The following SLC17A1 variants were observed in gnomAD, a reference collection of about 807,000 sequenced individuals.
The protein encoded by SLC17A1 is solute carrier family 17 member 1.
A neutral mutation model predicts 53.5 loss-of-function variants in SLC17A1; 51 were observed. That is an observed-to-expected ratio of 0.95 (90% CI 0.76 to 1.20). The LOEUF is 1.20. SLC17A1 is among the 50% of genes most tolerant of loss of function. The probability of loss-of-function intolerance (pLI) is 0.00; values close to 1 mark genes in which losing one functional copy is unlikely to be tolerated. For missense variants in SLC17A1, 538 were observed against 568.2 expected (o/e 0.95, Z 0.54); for synonymous variants, 179 against 198.8 (o/e 0.90, Z 0.84).
the SLC17A1 span, chr6:25,769,195 G>A: frequency 1.2e-6 from 2 of 1,611,396 alleles, no homozygotes; most frequent in Admixed American, 1.7e-5. Context: ...GCAATGGTAA[G>A]TTTAATGAGA....
chr6:25,732,904 A>C, the SLC17A1 span: 8 of 250,944 alleles, frequency 3.2e-5, no homozygotes, highest in East Asian at 3.0e-4. Flanking sequence ...ACAAAAACAA[A>C]AACCCCAAAG....
the SLC17A1 span, chr6:25,726,075 A>C: frequency 2.7e-6 from 4 of 1,455,284 alleles, no homozygotes; most frequent in African/African-American, 5.7e-5. Context: ...GGTGGCTCTG[A>C]AAAGAGCCTT....
Position 25,811,630 on chromosome 6 carries a change from TTGCTTACC to T in SLC17A1, c.1030_1030+7del. On this transcript the variant is annotated splice_donor_variant and splice_donor_5th_base_variant and coding_sequence_variant and intron_variant, in exon 9 of 13. Coordinates refer to ENST00000244527, the MANE Select transcript of SLC17A1 (RefSeq NM_005074.5). LOFTEE classifies it high-confidence loss of function. ...CCCAAGTGCTTAAATGTTCTGGCTGTTGCTTACCTGCTGCTGTGAAGAGTTTCCGGACA... is the reference window on the plus strand; with the variant it reads ...CCCAAGTGCTTAAATGTTCTGGCTGTTGCTGCTGTGAAGAGTTTCCGGACA... 1 of 1,613,932 alleles carries T rather than the reference TTGCTTACC, an allele frequency of 6.2e-7. No homozygotes were observed. Among genetic ancestry groups the T allele is most frequent in the Non-Finnish European group, 8.5e-7 (1 of 1,179,876 alleles).
chr6:25,769,123 C>A, the SLC17A1 span: 2 of 1,614,040 alleles, frequency 1.2e-6, no homozygotes, highest in Non-Finnish European at 1.7e-6. Flanking sequence ...CCCAATGCTT[C>A]CACAGAACGG....
intron 6 of SLC17A1, among the ~76,000 whole-genome samples, chr6:25,816,440 C>T (rs1161278581): frequency 6.6e-6 from 1 of 152,228 alleles, no homozygotes; most frequent in African/African-American, 2.4e-5. Flanking sequence ...ACATTCCAGG[C>T]ATGATGATTA....
rs3923 is a variant in SLC17A1 at position 25,783,087 on chromosome 6, T to C, written c.*134A>G. ...CACAGGATATGTGGGAGGGTAAAAC[T>C]GGCCCCTAGGACTCCTCCTACCACC... On this transcript the variant is annotated 3_prime_UTR_variant, in exon 13 of 13. Transcript: ENST00000244527. 0.58 allele frequency: 88,770 copies of C among 151,912 alleles called. 26,423 individuals carry two copies. Among genetic ancestry groups the C allele is most frequent in the Middle Eastern group, 0.71 (209 of 294 alleles). The allele number at this position is 151,912 out of a possible 1,614,324, so 9.4% of individuals were successfully genotyped here. A position where few individuals can be genotyped will look rare whatever the true frequency, so the allele number is the denominator to read the frequency against.
chr6:25,726,778 T>G, the SLC17A1 span: 1 of 1,239,124 alleles, frequency 8.1e-7, no homozygotes, highest in Non-Finnish European at 1.1e-6. Flanking sequence ...TCCAGTTCTG[T>G]TTGTTTACTT....
At chr6:25,798,464 T>C (rs936372344) in intron 12 of SLC17A1, 3 of 213,704 alleles carry the variant, frequency 1.4e-5, no homozygotes, top group African/African-American at 2.3e-5. Context: ...CCCAACCTTT[T>C]TCACTTCGAG....
At chr6:25,727,367 G>A in the SLC17A1 span, 1 of 1,337,550 alleles carries the variant, frequency 7.5e-7, no homozygotes, top group South Asian at 1.6e-5. Flanking sequence ...ACAGCTGTGG[G>A]CTTCGTTTTT....
chr6:25,783,990 G>A (rs933449971), intron 12 of SLC17A1, among the ~76,000 whole-genome samples: 7 of 77,262 alleles, frequency 9.1e-5, no homozygotes, highest in African/African-American at 2.3e-4. Flanking sequence ...AGTGGCCAAG[G>A]TTCTAAACTG....
the SLC17A1 span, among the ~76,000 whole-genome samples, chr6:25,728,237 T>C: frequency 2.0e-5 from 3 of 152,198 alleles, no homozygotes; most frequent in Non-Finnish European, 4.4e-5. Context: ...GTGCGAACTC[T>C]GGAGAACTCA....
At chr6:25,768,427 A>G in the SLC17A1 span, 1 of 983,390 alleles carries the variant, frequency 1.0e-6, no homozygotes, top group Non-Finnish European at 1.2e-6. Flanking sequence ...GAACACTAGC[A>G]AATTTTGTGT....
At chr6:25,795,429 TC>T (rs1263729643) in intron 12 of SLC17A1, among the ~76,000 whole-genome samples, 1 of 151,976 alleles carries the variant, frequency 6.6e-6, no homozygotes, top group Non-Finnish European at 1.5e-5. Flanking sequence ...ATAAGCACAA[TC>T]AAAATTTAAA....
Position 25,798,944 on chromosome 6 carries a change from T to C in SLC17A1, c.1270-25A>G, listed in dbSNP as rs763076447. 3 of 1,525,374 alleles carry C rather than the reference T, an allele frequency of 2.0e-6. No homozygotes were observed. In the Admixed American group the frequency reaches 5.4e-5, roughly 27 times the overall value. 94.5% of individuals were successfully genotyped at this position (1,525,374 alleles called of 1,614,324 possible). A position where few individuals can be genotyped will look rare whatever the true frequency, so the allele number is the denominator to read the frequency against. ...CCTAAGGAATTAAAATTCAAAGTAA[T>C]TGTAAATTATTGCTCTTGTTTTTTT... On this transcript the variant is annotated intron_variant, in intron 11 of 12. Coordinates refer to ENST00000244527, the MANE Select transcript of SLC17A1 (RefSeq NM_005074.5).
chr6:25,782,310 T>A (rs1431226516), downstream of SLC17A1, among the ~76,000 whole-genome samples: 1 of 152,208 alleles, frequency 6.6e-6, no homozygotes, highest in Admixed American at 6.5e-5. Flanking sequence ...ACACTGTTCC[T>A]CAGCTGCTTC....
the SLC17A1 span, among the ~76,000 whole-genome samples, chr6:25,754,107 C>T: frequency 1.3e-5 from 2 of 151,670 alleles, no homozygotes; most frequent in Non-Finnish European, 2.9e-5. Context: ...GATTTGCTGG[C>T]AGAGAGGCTG....
chr6:25,823,972 G>A (rs1387648383), intron 3 of SLC17A1, among the ~76,000 whole-genome samples: 1 of 151,758 alleles, frequency 6.6e-6, no homozygotes, highest in African/African-American at 2.4e-5. Context: ...AATTTTCCAT[G>A]AACATTCAGA....
chr6:25,808,694 C>G (rs1157578999), intron 10 of SLC17A1, among the ~76,000 whole-genome samples: 3 of 151,870 alleles, frequency 2.0e-5, no homozygotes, highest in African/African-American at 7.3e-5. Context: ...AAATTAAAAC[C>G]ACGATGAGAT....
intron 12 of SLC17A1, among the ~76,000 whole-genome samples, chr6:25,792,562 A>G (rs1763525321): frequency 6.6e-6 from 1 of 152,194 alleles, no homozygotes; most frequent in African/African-American, 2.4e-5. Context: ...CATTTGCATA[A>G]AGGAACTGAA....
Sources: allele counts gnomAD v4.1 joint callset (sites outside exome capture counted in the v4.1 genomes callset), GRCh38; gene constraint gnomAD v4.1.1; transcripts MANE v1.5; gene names NCBI Gene and HGNC (gene_info 2026-07-23, HGNC 2026-07-21).